Variants in DAP observed in about 807,000 individuals in gnomAD.
DAP encodes the protein death-associated protein 1.
Under a neutral mutation model 13.8 loss-of-function variants are expected in DAP, and 8 were observed. The observed-to-expected ratio is 0.58, with a 90% confidence interval of 0.34 to 1.05. The LOEUF (loss-of-function observed/expected upper bound fraction) is 1.05. Ranked by LOEUF, DAP falls within the 50% of genes least tolerant of loss-of-function variation. The pLI is 0.03. For missense variants in DAP, 106 were observed against 133.2 expected, an observed-to-expected ratio of 0.80 and a Z score of 1.01; for synonymous variants, 47 against 47.5, an observed-to-expected ratio of 0.99 and a Z score of 0.04.
chr5:10,707,810 G>C lies in DAP; in HGVS notation c.153-24239C>G, dbSNP rs1230662695. 6.6e-6 allele frequency among the ~76,000 whole-genome samples: 1 copy of C among 152,172 alleles called. No individual in the cohort carries two copies. The highest frequency in any genetic ancestry group is 6.5e-5 in the Admixed American group (1 of 15,270). ...TGGTGCAAAGATGGTGTGATGGATGGGTGGCACTGGATGAGTACTGGCTCT... is the reference window on the plus strand; with the variant it reads ...TGGTGCAAAGATGGTGTGATGGATGCGTGGCACTGGATGAGTACTGGCTCT... On this transcript the variant is annotated intron_variant, in intron 2 of 3. Transcript: ENST00000230895. This position sits in a 1 kb window ranked among gnomAD's most constrained non-coding sequence, Gnocchi z 4.0.
chr5:10,727,725 T>C (rs1373869672), intron 2 of DAP, among the ~76,000 whole-genome samples: 1 of 152,152 alleles, frequency 6.6e-6, no homozygotes. Flanking sequence ...GGAGTATAAA[T>C]TGAGATATCC....
intron 2 of DAP, among the ~76,000 whole-genome samples, chr5:10,702,896 CT>C (rs1257679489): frequency 6.6e-6 from 1 of 152,180 alleles, no homozygotes; most frequent in African/African-American, 2.4e-5. Flanking sequence ...CAAAAAAACC[CT>C]TGCAAAAGGG....
chr5:10,753,804 A>C (rs1184867280), intron 1 of DAP, among the ~76,000 whole-genome samples: 4 of 152,260 alleles, frequency 2.6e-5, no homozygotes, highest in African/African-American at 9.6e-5. Flanking sequence ...ATGACTCACA[A>C]GTATATGCTA....
At chr5:10,717,533 C>T (rs757730959) in intron 2 of DAP, among the ~76,000 whole-genome samples, 4 of 152,158 alleles carry the variant, frequency 2.6e-5, no homozygotes, top group East Asian at 1.9e-4. Context: ...ATCCCCTTCC[C>T]GACCCATGCT....
At chr5:10,727,476 G>A (rs1012395228) in intron 2 of DAP, among the ~76,000 whole-genome samples, 9 of 152,208 alleles carry the variant, frequency 5.9e-5, no homozygotes, top group Non-Finnish European at 1.2e-4. Flanking sequence ...ACAGTCGGCC[G>A]TGAGAGGGTG....
In DAP at chr5:10,739,843, CA is replaced by C. The variant is rs1561030047; in HGVS notation, c.152+8331del. On this transcript the variant is annotated intron_variant, in intron 2 of 3. Transcript: ENST00000230895. ...CACGAATGGGTTTGAACAGAAAAGGCATGCTGTTTTCTGGACTGATGTAAAT... is the reference window on the plus strand; with the variant it reads ...CACGAATGGGTTTGAACAGAAAAGGCTGCTGTTTTCTGGACTGATGTAAAT... Among the ~76,000 whole-genome samples, 4 of 151,580 alleles carry C rather than the reference CA, an allele frequency of 2.6e-5. No individual in the cohort carries two copies. The East Asian group carries it at 7.7e-4, about 29-fold the overall frequency.
At chr5:10,736,943 G>A (rs980412540) in intron 2 of DAP, among the ~76,000 whole-genome samples, 5 of 152,302 alleles carry the variant, frequency 3.3e-5, no homozygotes, top group East Asian at 1.9e-4. Context: ...GCCATGTTGC[G>A]GCTCTGCCTT....
intron 2 of DAP, among the ~76,000 whole-genome samples, chr5:10,742,254 G>A (rs549122861): frequency 2.3e-4 from 35 of 152,286 alleles, no homozygotes; most frequent in African/African-American, 8.2e-4. Flanking sequence ...AACACTATCG[G>A]CCGGGTGCGG....
At chr5:10,752,215 T>G (rs1401684423) in intron 1 of DAP, among the ~76,000 whole-genome samples, 1 of 152,244 alleles carries the variant, frequency 6.6e-6, no homozygotes, top group African/African-American at 2.4e-5. Flanking sequence ...TGCATTTAAT[T>G]TAGTTTCTAA....
In DAP at chr5:10,680,936, T is replaced by C; in HGVS notation, c.*120A>G. On this transcript the variant is annotated 3_prime_UTR_variant, in exon 4 of 4. Coordinates refer to ENST00000230895, the MANE Select transcript of DAP (RefSeq NM_004394.3). ...AATGTAAGGCAAAGGACAGAGCACT[T>C]GGTTTTGCCTTAGATTTCCCAGCAG... 1.3e-6 allele frequency: 2 copies of C among 1,539,742 alleles called. No individual in the cohort carries two copies. The highest frequency in any genetic ancestry group is 2.0e-5 in the Admixed American group (1 of 51,008).
chr5:10,744,467 T>C (rs536652716), intron 2 of DAP, among the ~76,000 whole-genome samples: 1 of 152,344 alleles, frequency 6.6e-6, no homozygotes, highest in African/African-American at 2.4e-5. Flanking sequence ...GACCACCTAC[T>C]GACGGTGAGG....
chr5:10,683,390 A>T, intron 3 of DAP, 139 bp downstream of exon 3: 1 of 886,550 alleles, frequency 1.1e-6, no homozygotes, highest in Non-Finnish European at 1.9e-6. Flanking sequence ...CGCGGCAATG[A>T]AGAGAGCCAT....
rs1194123898 is a variant in DAP at position 10,761,049 on chromosome 5, C to T, written c.20G>A (p.Gly7Glu). 7 of 1,219,520 alleles carry T rather than the reference C, an allele frequency of 5.7e-6. No individual in the cohort carries two copies. The highest frequency in any genetic ancestry group is 7.2e-6 in the Non-Finnish European group (7 of 968,812). The allele number at this position is 1,219,520 out of a possible 1,614,324, so 75.5% of individuals were successfully genotyped here. The change falls in exon 1 of 4, where the codon GGG becomes GAG. Residue 7 changes from glycine (G) to glutamate (E), a missense_variant. Physicochemically the swap from Gly to Glu is moderately conservative, Grantham distance 98. Coordinates refer to ENST00000230895, the MANE Select transcript of DAP (RefSeq NM_004394.3). ...GTGTCCAGCTTTAGTCTCTAGTTTCCCTTCGGGAGGCGAAGACATGACGCG... is the reference window on the plus strand; with the variant it reads ...GTGTCCAGCTTTAGTCTCTAGTTTCTCTTCGGGAGGCGAAGACATGACGCG... MSSPPE[G>E]KLETKAGHPP...
chr5:10,694,818 G>A (rs953119100), intron 2 of DAP, among the ~76,000 whole-genome samples: 3 of 152,158 alleles, frequency 2.0e-5, no homozygotes, highest in Non-Finnish European at 4.4e-5. Context: ...TGCGCTCATT[G>A]ACCGGGAAAA....
chr5:10,699,984 GA>G (rs1258320384), intron 2 of DAP, among the ~76,000 whole-genome samples: 1 of 152,260 alleles, frequency 6.6e-6, no homozygotes, highest in Admixed American at 6.5e-5. Context: ...ATGATGGACA[GA>G]GCAAGCTGCG....
At chr5:10,690,113 C>T (rs1235305498) in intron 2 of DAP, among the ~76,000 whole-genome samples, 2 of 148,070 alleles carry the variant, frequency 1.4e-5, no homozygotes. Context: ...TAAGACTGCA[C>T]TTTTTACACA....
intron 2 of DAP, among the ~76,000 whole-genome samples, chr5:10,693,521 G>T (rs1303129635): frequency 6.6e-6 from 1 of 152,196 alleles, no homozygotes; most frequent in African/African-American, 2.4e-5. Flanking sequence ...CCTTAGAAGT[G>T]CTGTATCTAA....
chr5:10,680,955 C>T lies in DAP; in HGVS notation c.*101G>A, dbSNP rs896240086. Reference sequence around the variant, plus strand: ...AGCACTTGGTTTTGCCTTAGATTTCCCAGCAGAGTAGGATTTGGGCGAAAC... The same window carrying T: ...AGCACTTGGTTTTGCCTTAGATTTCTCAGCAGAGTAGGATTTGGGCGAAAC... On this transcript the variant is annotated 3_prime_UTR_variant, in exon 4 of 4. Coordinates refer to ENST00000230895, the MANE Select transcript of DAP (RefSeq NM_004394.3). The T allele has an allele frequency of 6.5e-7, 1 of 1,542,100 alleles. No individual in the cohort carries two copies. The highest frequency in any genetic ancestry group is 2.0e-5 in the Admixed American group (1 of 50,986).
chr5:10,692,413 G>A (rs774470642), intron 2 of DAP, among the ~76,000 whole-genome samples: 21 of 152,070 alleles, frequency 1.4e-4, no homozygotes, highest in Admixed American at 8.5e-4. Flanking sequence ...TCATCCTTTC[G>A]CAGTTGAGAG....
Sources: gnomAD v4.1 joint callset for allele counts (sites outside exome capture counted in the v4.1 genomes callset) on GRCh38, gnomAD v4.1.1 for gene constraint, Gnocchi (gnomAD v3.1) non-coding constraint, MANE v1.5 for transcripts, NCBI Gene and HGNC (gene_info 2026-07-23, HGNC 2026-07-21) for gene names.